The following AGMO variants were observed in gnomAD, a reference collection of about 807,000 sequenced individuals.
AGMO encodes alkylglycerol monooxygenase.
AGMO carries 75 observed loss-of-function variants against 60.2 expected under a neutral mutation model. That is an observed-to-expected ratio of 1.25 (90% CI 1.03 to 1.51). The LOEUF (loss-of-function observed/expected upper bound fraction) is 1.51. Among genes scored for constraint, AGMO ranks in the 40% most tolerant of loss-of-function variants. The pLI, the probability that AGMO is intolerant of heterozygous loss-of-function variation, is 0.00. For missense variants in AGMO, 763 were observed against 525.5 expected (o/e 1.45, Z -4.42); for synonymous variants, 261 against 177.1 (o/e 1.47, Z -3.76).
chr7:15,155,921 C>G, the AGMO span, among the ~76,000 whole-genome samples: 1 of 152,200 alleles, frequency 6.6e-6, no homozygotes, highest in African/African-American at 2.4e-5. Flanking sequence ...GCCCAGCACT[C>G]CTGAGCTACA....
chr7:15,243,763 C>T (rs575805831), intron 12 of AGMO, among the ~76,000 whole-genome samples: 138 of 152,120 alleles, frequency 9.1e-4, no homozygotes, highest in Non-Finnish European at 1.5e-3. Flanking sequence ...TTTCAAAGCA[C>T]GAAAAATTTC....
Position 15,390,850 on chromosome 7 carries a change from A to C in AGMO, c.732T>G (p.Asp244Glu). The C allele has an allele frequency of 6.2e-7, 1 of 1,605,376 alleles. No individual in the cohort carries two copies. Among genetic ancestry groups the C allele is most frequent in the Non-Finnish European group, 8.5e-7 (1 of 1,174,480 alleles). The change falls in exon 7 of 13, where the codon GAT (aspartate) becomes GAG (glutamate). Residue 244 changes from aspartate to glutamate, a missense_variant. By Grantham distance (45) the Asp-to-Glu change is conservative. Coordinates refer to ENST00000342526, the MANE Select transcript of AGMO (RefSeq NM_001004320.2). The stretch of plus-strand genomic sequence containing the variant: ...ATACATTTTACTTACCAAAAATTTT[A>C]TCCCAAATAATAAGAACACCAGCAT... ...KNYAGVLIIW[D>E]KIFGTFEAEN... is the part of the protein sequence containing the mutation.
rs979156480 is a variant in AGMO, at chr7:15,406,643, AT to A, written c.609+11914del. Among the ~76,000 whole-genome samples, 2 of 63,724 alleles carry A rather than the reference AT, an allele frequency of 3.1e-5. 1 individual carries two copies. The highest frequency in any genetic ancestry group is 6.4e-5 in the Non-Finnish European group (2 of 31,368). 41.8% of individuals were successfully genotyped at this position (63,724 alleles called of 152,430 possible). The stretch of plus-strand genomic sequence containing the variant: ...CATGTGTGTATATATATGAATATAC[AT>A]ATATATGTGTATATATATGGAATAT... On this transcript the variant is annotated intron_variant, in intron 5 of 12. Coordinates refer to ENST00000342526, the MANE Select transcript of AGMO (RefSeq NM_001004320.2).
intron 12 of AGMO, among the ~76,000 whole-genome samples, chr7:15,268,328 A>C (rs548340078): frequency 6.6e-6 from 1 of 152,144 alleles, no homozygotes; most frequent in African/African-American, 2.4e-5. Flanking sequence ...TTTCAAAATC[A>C]AACTTTACTT....
chr7:15,201,517 A>G (rs1394896336), intron 12 of AGMO, among the ~76,000 whole-genome samples, 158 bp from the exon 13 acceptor site: 4 of 152,182 alleles, frequency 2.6e-5, no homozygotes, highest in Admixed American at 6.5e-5. Context: ...GATAGAACTT[A>G]GCCAATTTAA....
At chr7:15,424,815 G>C (rs1406273606) in intron 4 of AGMO, among the ~76,000 whole-genome samples, 2 of 152,154 alleles carry the variant, frequency 1.3e-5, no homozygotes, top group Non-Finnish European at 2.9e-5. Context: ...CTTTCCTTTT[G>C]TGACAAAGAG....
rs767472454 is a variant in AGMO, at chr7:15,560,182, A to G, written c.216T>C (p.Ala72=). The change falls in exon 2 of 13, where the codon GCT becomes GCC. Residue 72 remains alanine (A), a synonymous_variant. Transcript: ENST00000342526. ...KGKPPGRLDD[A]LTSISAGVLS... Reference sequence around the variant, plus strand: ...GAACACCAGCTGAGATTGACGTTAAAGCATCATCCAGGCGACCTGGTGGCT... The same window carrying G: ...GAACACCAGCTGAGATTGACGTTAAGGCATCATCCAGGCGACCTGGTGGCT... The G allele has an allele frequency of 2.1e-5, 34 of 1,613,068 alleles. No homozygotes were observed. Among genetic ancestry groups the G allele is most frequent in the Non-Finnish European group, 2.8e-5 (33 of 1,179,322 alleles).
At chr7:15,273,502 C>G (rs909240996) in intron 12 of AGMO, among the ~76,000 whole-genome samples, 15 of 152,090 alleles carry the variant, frequency 9.9e-5, no homozygotes, top group Admixed American at 6.5e-4. Context: ...GGTACCAGTA[C>G]CATGCTGTTT....
At chr7:15,229,725 TAA>T (rs960569040) in intron 12 of AGMO, among the ~76,000 whole-genome samples, 26 of 123,814 alleles carry the variant, frequency 2.1e-4, no homozygotes, top group South Asian at 7.2e-4. Context: ...ATATTATATA[TAA>T]ATTATATATT....
In AGMO at chr7:15,392,593, G is replaced by C. The variant is rs1255372163; in HGVS notation, c.676+1520C>G. Among the ~76,000 whole-genome samples the C allele has an allele frequency of 2.6e-5, 4 of 152,254 alleles. No individual in the cohort carries two copies. In the East Asian group the frequency reaches 5.8e-4, roughly 22 times the overall value. ...AGGAGGAAGGATCATGAGATCAGGA[G>C]TTTGAAACCAGCCTGACCAACATGG... is the stretch of plus-strand genomic sequence containing the variant. On this transcript the variant is annotated intron_variant, in intron 6 of 12. Transcript: ENST00000342526.
the AGMO span, among the ~76,000 whole-genome samples, chr7:15,182,198 G>A: frequency 6.6e-6 from 1 of 152,116 alleles, no homozygotes; most frequent in Non-Finnish European, 1.5e-5. Context: ...AGGTTTGGGG[G>A]AAGAGGGAAG....
chr7:15,179,599 T>C, the AGMO span, among the ~76,000 whole-genome samples: 2 of 152,096 alleles, frequency 1.3e-5, no homozygotes, highest in Non-Finnish European at 2.9e-5. Context: ...CAGCTCACAA[T>C]TTCTGTCTCT....
At chr7:15,165,617 C>A in the AGMO span, among the ~76,000 whole-genome samples, 46 of 151,820 alleles carry the variant, frequency 3.0e-4, no homozygotes, top group African/African-American at 1.1e-3. Flanking sequence ...AATAACTTAC[C>A]CAGATGTAAA....
intron 2 of AGMO, among the ~76,000 whole-genome samples, chr7:15,552,796 T>C (rs1785003213): frequency 6.7e-6 from 1 of 149,456 alleles, no homozygotes. Flanking sequence ...AGAAATACCA[T>C]TTGACCCAGC....
At chr7:15,407,545 A>T (rs1276831144) in intron 5 of AGMO, among the ~76,000 whole-genome samples, 1 of 151,722 alleles carries the variant, frequency 6.6e-6, no homozygotes, top group Non-Finnish European at 1.5e-5. Flanking sequence ...CATTTTAGAT[A>T]TGCTGATTCA....
chr7:15,435,654 G>A (rs1583550204), intron 3 of AGMO, among the ~76,000 whole-genome samples: 1 of 151,982 alleles, frequency 6.6e-6, no homozygotes, highest in East Asian at 1.9e-4. Context: ...TTTCTTCCAG[G>A]CCATAGCCTT....
chr7:15,466,687 G>C (rs1290747715), intron 3 of AGMO, among the ~76,000 whole-genome samples: 2 of 152,152 alleles, frequency 1.3e-5, no homozygotes, highest in Admixed American at 1.3e-4. Context: ...CATCTGTTAA[G>C]AGGACTAGAT....
chr7:15,429,705 T>C (rs968819789), intron 4 of AGMO, among the ~76,000 whole-genome samples: 1 of 152,020 alleles, frequency 6.6e-6, no homozygotes, highest in African/African-American at 2.4e-5. Context: ...ATTAGTAACA[T>C]CCCTGGCTTA....
At chr7:15,316,729 C>CT (rs1655716833) in intron 12 of AGMO, among the ~76,000 whole-genome samples, 1 of 152,138 alleles carries the variant, frequency 6.6e-6, no homozygotes, top group South Asian at 2.1e-4. Context: ...AACGTTTCCC[C>CT]TCTCACTGTT....
Sources: gnomAD v4.1 joint callset for allele counts (sites outside exome capture counted in the v4.1 genomes callset) on GRCh38, gnomAD v4.1.1 for gene constraint, MANE v1.5 for transcripts, NCBI Gene and HGNC (gene_info 2026-07-23, HGNC 2026-07-21) for gene names.